The following MBD5 variants were observed in gnomAD, a reference collection of about 807,000 sequenced individuals.
MBD5 encodes the protein methyl-CpG-binding domain protein 5.
A neutral mutation model predicts 117.3 loss-of-function variants in MBD5; 13 were observed. The ratio of observed to expected loss-of-function variants is 0.11; its 90% CI spans 0.07 to 0.18. The LOEUF (loss-of-function observed/expected upper bound fraction) is 0.18. Among genes scored for constraint, MBD5 ranks in the 10% least tolerant of loss-of-function variants. MBD5 has a pLI of 1.00. For synonymous variants in MBD5, 727 were observed against 766.4 expected, an observed-to-expected ratio of 0.95 and a Z score of 0.85; for missense variants, 1,879 against 2,093.8, an observed-to-expected ratio of 0.90 and a Z score of 2.00.
At chr2:148,229,197 C>G (rs1203123954) in intron 2 of MBD5, among the ~76,000 whole-genome samples, 1 of 143,966 alleles carries the variant, frequency 6.9e-6, no homozygotes, top group Non-Finnish European at 1.5e-5. Context: ...TTTTTTTTGT[C>G]TTTTCTGTGT....
chr2:148,356,230 C>G (rs1703377040), intron 4 of MBD5, among the ~76,000 whole-genome samples: 1 of 152,102 alleles, frequency 6.6e-6, no homozygotes, highest in Non-Finnish European at 1.5e-5. Flanking sequence ...ACTGAGATGA[C>G]AATTTAATCC....
At chr2:148,449,511 A>G (rs576556143) in intron 4 of MBD5, among the ~76,000 whole-genome samples, 1 of 152,068 alleles carries the variant, frequency 6.6e-6, no homozygotes, top group Non-Finnish European at 1.5e-5. Context: ...GACTTCTCTG[A>G]GAAAGTGACA....
At chr2:148,272,130 AG>A (rs1701000568) in intron 3 of MBD5, among the ~76,000 whole-genome samples, 1 of 152,190 alleles carries the variant, frequency 6.6e-6, no homozygotes, top group African/African-American at 2.4e-5. Flanking sequence ...CTTCATTTTA[AG>A]GCTGAGTAGT....
intron 4 of MBD5, among the ~76,000 whole-genome samples, chr2:148,447,272 A>G (rs3955149): frequency 0.92 from 135,490 of 147,632 alleles, 61,895 homozygotes; most frequent in East Asian, 0.99. Flanking sequence ...AAGGAAGGAA[A>G]GAAAGTAGAG....
At chr2:148,298,708 T>C (rs1559011460) in intron 3 of MBD5, among the ~76,000 whole-genome samples, 1 of 152,232 alleles carries the variant, frequency 6.6e-6, no homozygotes, top group African/African-American at 2.4e-5. Context: ...TTTATCAATA[T>C]ATTGCTTATA....
chr2:148,251,077 T>TA (rs1314584407), intron 3 of MBD5, among the ~76,000 whole-genome samples: 1 of 152,112 alleles, frequency 6.6e-6, no homozygotes, highest in Non-Finnish European at 1.5e-5. Flanking sequence ...CTATAGGTAC[T>TA]AAAAAACGCT....
chr2:148,484,336 A>G (rs1340012049), intron 9 of MBD5, among the ~76,000 whole-genome samples: 1 of 152,180 alleles, frequency 6.6e-6, no homozygotes, highest in Non-Finnish European at 1.5e-5. Context: ...TCTTTCCCCT[A>G]TTCTAGCAAT....
At chr2:148,455,555 G>C (rs757350535) in intron 4 of MBD5, among the ~76,000 whole-genome samples, 8 of 152,076 alleles carry the variant, frequency 5.3e-5, no homozygotes, top group Admixed American at 2.0e-4. Context: ...TGGTAATAGT[G>C]ATGTTTGTCC....
chr2:148,341,851 TC>T (rs369134566), intron 3 of MBD5, among the ~76,000 whole-genome samples: 26,904 of 151,784 alleles, frequency 0.18, 2,521 homozygotes, highest in Non-Finnish European at 0.18. Context: ...TGAATAAATA[TC>T]AAATAAAAAG....
At chr2:148,269,974 T>C (rs1184715384) in intron 3 of MBD5, among the ~76,000 whole-genome samples, 1 of 152,112 alleles carries the variant, frequency 6.6e-6, no homozygotes, top group Non-Finnish European at 1.5e-5. Context: ...ATATTTAATT[T>C]CCAAGACCTC....
intron 4 of MBD5, among the ~76,000 whole-genome samples, chr2:148,422,641 T>A (rs1705645517): frequency 6.6e-6 from 1 of 152,178 alleles, no homozygotes; most frequent in Admixed American, 6.5e-5. Context: ...CCCTCTGAGC[T>A]AAAGGAGTGT....
intron 4 of MBD5, among the ~76,000 whole-genome samples, chr2:148,439,298 A>T (rs1211713525): frequency 6.6e-6 from 1 of 152,154 alleles, no homozygotes; most frequent in Admixed American, 6.6e-5. Context: ...TGGGGTTATG[A>T]TTGGGACTAG....
chr2:148,130,448 T>C (rs1204856701), intron 1 of MBD5, among the ~76,000 whole-genome samples: 13 of 152,106 alleles, frequency 8.5e-5, no homozygotes. Context: ...ATGATGGATA[T>C]TTCTGTTCAT....
At chr2:148,403,595 T>G (rs1236278855) in intron 4 of MBD5, among the ~76,000 whole-genome samples, 1 of 152,224 alleles carries the variant, frequency 6.6e-6, no homozygotes, top group East Asian at 1.9e-4. Context: ...TGCTTGCAAT[T>G]TTAAGAAATA....
chr2:148,273,599 C>G (rs1469358009), intron 3 of MBD5, among the ~76,000 whole-genome samples: 1 of 152,098 alleles, frequency 6.6e-6, no homozygotes, highest in East Asian at 1.9e-4. Flanking sequence ...CAGCTTCAAC[C>G]CCCTGTGATT....
Position 148,051,925 on chromosome 2 carries a change from G to A in MBD5, c.-925+30241G>A, listed in dbSNP as rs1694717846. On this transcript the variant is annotated intron_variant, in intron 1 of 13. Coordinates refer to ENST00000642680, the MANE Select transcript of MBD5 (RefSeq NM_001378120.1). ...TTTTTTAAAGAGCTTGATAAGGACT[G>A]ACATTAATTTTTCTTGAATGGTAGA... Among the ~76,000 whole-genome samples, 4 of 151,938 alleles carry A rather than the reference G, an allele frequency of 2.6e-5. No individual in the cohort carries two copies. In the South Asian group the frequency reaches 8.3e-4, roughly 32 times the overall value.
chr2:148,470,220 G>A lies in MBD5; in HGVS notation c.2277G>A (p.Val759=), dbSNP rs750839601. The A allele has an allele frequency of 5.6e-6, 9 of 1,613,808 alleles. No homozygotes were observed. The highest frequency in any genetic ancestry group is 7.6e-6 in the Non-Finnish European group (9 of 1,179,908). ...LQNIPLRGEA[V]HCHNANTNFV... ...ACATACCTTTAAGAGGGGAAGCCGT[G>A]CACTGCCACAATGCAAACACTAACT... The change falls in exon 8 of 14, where the codon GTG becomes GTA. Residue 759 remains valine (V), a synonymous_variant. Transcript: ENST00000642680.
At chr2:148,155,566 T>G (rs1216214601) in intron 1 of MBD5, among the ~76,000 whole-genome samples, 1 of 152,034 alleles carries the variant, frequency 6.6e-6, no homozygotes, top group Non-Finnish European at 1.5e-5. Context: ...TATGTTACTC[T>G]TCTGCCTATG....
At chr2:148,405,480 G>C (rs1705047916) in intron 4 of MBD5, among the ~76,000 whole-genome samples, 1 of 152,106 alleles carries the variant, frequency 6.6e-6, no homozygotes, top group African/African-American at 2.4e-5. Context: ...CAGGAAAACG[G>C]AACAGCAACT....
Sources: gnomAD v4.1 joint callset for allele counts (sites outside exome capture counted in the v4.1 genomes callset) on GRCh38, gnomAD v4.1.1 for gene constraint, MANE v1.5 for transcripts, NCBI Gene and HGNC (gene_info 2026-07-23, HGNC 2026-07-21) for gene names.